The following SEM1 variants were observed in gnomAD, a reference collection of about 807,000 sequenced individuals.
The protein encoded by SEM1 is SEM1 26S proteasome subunit, also known as 26S proteasome complex subunit SEM1.
In SEM1, 3 loss-of-function variants were observed where a neutral mutation model predicts 12.7. The observed-to-expected ratio is 0.24, with a 90% CI of 0.11 to 0.61. SEM1 has a LOEUF of 0.61. Among genes scored for constraint, SEM1 ranks in the 20% least tolerant of loss-of-function variants. The pLI, the probability that SEM1 is intolerant of heterozygous loss-of-function variation, is 0.88. For synonymous variants in SEM1, 30 were observed against 27.8 expected (o/e 1.08, Z -0.25); for missense variants, 59 against 81.3 (o/e 0.73, Z 1.06).
intron 2 of SEM1, among the ~76,000 whole-genome samples, chr7:96,616,397 G>GT (rs1181701966): frequency 1.3e-5 from 2 of 151,532 alleles, no homozygotes; most frequent in Non-Finnish European, 2.9e-5. Context: ...TTTTTTCAGT[G>GT]TTTGTTTTTT....
chr7:96,659,913 C>CAAAAAAAAAAAAAAAAAAAAAAAAAAA (rs71529826), intron 2 of SEM1, among the ~76,000 whole-genome samples: 2 of 66,726 alleles, frequency 3.0e-5, no homozygotes, highest in East Asian at 4.8e-4. Flanking sequence ...AGTAAGATGG[C>CAAAAAAAAAAAAAAAAAAAAAAAAAAA]AAAAAAAAAA....
intron 1 of SEM1, among the ~76,000 whole-genome samples, chr7:96,704,010 C>CACACACACACACACACACAT (rs1390081341): frequency 7.0e-6 from 1 of 143,744 alleles, no homozygotes; most frequent in African/African-American, 2.6e-5. Flanking sequence ...CACACACACA[C>CACACACACACACACACACAT]ATACATAAAA....
intron 2 of SEM1, chr7:96,653,745 C>G (rs1212936182): frequency 6.6e-6 from 1 of 152,178 alleles, no homozygotes; most frequent in Non-Finnish European, 1.5e-5. Context: ...GATGAGTTAC[C>G]TAATCTTCCC....
At chr7:96,584,047 A>G (rs1417648549) in intron 2 of SEM1, among the ~76,000 whole-genome samples, 3 of 151,490 alleles carry the variant, frequency 2.0e-5, no homozygotes, top group Non-Finnish European at 4.4e-5. Context: ...TAGTTGATGC[A>G]GTTTCTTCCT....
chr7:96,532,531 A>G (rs1563049469), intron 2 of SEM1, among the ~76,000 whole-genome samples: 1 of 152,110 alleles, frequency 6.6e-6, no homozygotes, highest in Non-Finnish European at 1.5e-5. Context: ...TTCATTGGGG[A>G]ACATTTAAAA....
At chr7:96,632,244 CA>C (rs918057254) in intron 2 of SEM1, among the ~76,000 whole-genome samples, 1 of 152,270 alleles carries the variant, frequency 6.6e-6, no homozygotes, top group African/African-American at 2.4e-5. Flanking sequence ...ACTATAAAGA[CA>C]CATGCACACA....
chr7:96,638,985 A>G (rs148175408), intron 2 of SEM1, among the ~76,000 whole-genome samples: 60 of 152,110 alleles, frequency 3.9e-4, no homozygotes, highest in African/African-American at 1.4e-3. Flanking sequence ...AATGGGACCC[A>G]TATAATTTAT....
chr7:96,593,719 T>C (rs1806908025), intron 2 of SEM1, among the ~76,000 whole-genome samples: 1 of 152,216 alleles, frequency 6.6e-6, no homozygotes, highest in African/African-American at 2.4e-5. Context: ...TTTTCCTTAT[T>C]TGCATTAGAA....
At chr7:96,533,081 C>T (rs1046229965) in intron 2 of SEM1, among the ~76,000 whole-genome samples, 1 of 152,130 alleles carries the variant, frequency 6.6e-6, no homozygotes, top group African/African-American at 2.4e-5. Flanking sequence ...ATCTCTTATA[C>T]ACCCAGCAAT....
At chr7:96,693,091 G>T (rs1025734719) in intron 2 of SEM1, among the ~76,000 whole-genome samples, 2 of 151,832 alleles carry the variant, frequency 1.3e-5, no homozygotes, top group Admixed American at 1.3e-4. Context: ...TCTTTATAGA[G>T]CCAATAAAAA....
In SEM1 at chr7:96,673,719, C is replaced by A. The variant is rs749493433; in HGVS notation, c.*41G>T. ...CAATCCTGTGCATCCCAGCTCTTTA[C>A]ATTTAGGTGGGGCCATGAACACATA... On this transcript the variant is annotated 3_prime_UTR_variant, in exon 3 of 3. Transcript: ENST00000413065. The A allele has an allele frequency of 3.1e-5, 24 of 763,914 alleles. No individual in the cohort carries two copies. The African/African-American group carries it at 3.6e-4, about 11-fold the overall frequency. The allele number at this position is 763,914 out of a possible 1,614,324, so 47.3% of individuals were successfully genotyped here.
intron 2 of SEM1, among the ~76,000 whole-genome samples, chr7:96,592,956 T>C (rs1312769672): frequency 1.4e-5 from 2 of 146,194 alleles, no homozygotes; most frequent in African/African-American, 5.2e-5. Flanking sequence ...CTTGAAGCTC[T>C]AGAGAAGGCT....
chr7:96,648,090 A>G (rs536158925), intron 2 of SEM1, among the ~76,000 whole-genome samples: 1 of 152,328 alleles, frequency 6.6e-6, no homozygotes, highest in African/African-American at 2.4e-5. Context: ...ACCTATTTAC[A>G]TATTCACAGG....
chr7:96,565,495 A>G (rs183105911), intron 2 of SEM1, among the ~76,000 whole-genome samples: 110 of 151,972 alleles, frequency 7.2e-4, no homozygotes, highest in African/African-American at 2.6e-3. Context: ...GAAAAAAGTA[A>G]ATTCTCTGGT....
chr7:96,526,562 A>G lies in SEM1; in HGVS notation c.171-19864T>C, dbSNP rs138976110. On this transcript the variant is annotated intron_variant and NMD_transcript_variant, in intron 2 of 3. Coordinates refer to the SEM1 transcript ENST00000466986. ...TGACTCAGACCAGGCTGAGTATCCT[A>G]GGAAAAGGCAGGGAAAGCCACCAGG... 4.7e-3 allele frequency among the ~76,000 whole-genome samples: 714 copies of G among 152,252 alleles called. 4 individuals are homozygous for G. Among genetic ancestry groups the G allele is most frequent in the Admixed American group, 8.3e-3 (127 of 15,286 alleles).
chr7:96,642,840 CT>C (rs1464059858), intron 2 of SEM1, among the ~76,000 whole-genome samples: 1 of 151,896 alleles, frequency 6.6e-6, no homozygotes, highest in Non-Finnish European at 1.5e-5. Flanking sequence ...AAGCAGTCTC[CT>C]TTCTTCCAAG....
At chr7:96,645,533 A>G (rs1808758755) in intron 2 of SEM1, 1 of 379,466 alleles carries the variant, frequency 2.6e-6, no homozygotes, top group African/African-American at 2.1e-5. Flanking sequence ...TGTTCCAATA[A>G]AAGAGGACAG....
intron 2 of SEM1, among the ~76,000 whole-genome samples, chr7:96,689,177 T>G (rs1789851464): frequency 6.6e-6 from 1 of 152,112 alleles, no homozygotes; most frequent in South Asian, 2.1e-4. Flanking sequence ...TTCCCATTAT[T>G]TAACTTGTAT....
At chr7:96,556,340 T>C (rs1290965904) in intron 2 of SEM1, among the ~76,000 whole-genome samples, 1 of 152,108 alleles carries the variant, frequency 6.6e-6, no homozygotes, top group Non-Finnish European at 1.5e-5. Context: ...GGTTGTTCCT[T>C]TCCATGTTTA....
Sources: allele counts gnomAD v4.1 joint callset (sites outside exome capture counted in the v4.1 genomes callset), GRCh38; gene constraint gnomAD v4.1.1; transcripts MANE v1.5; gene names NCBI Gene and HGNC (gene_info 2026-07-23, HGNC 2026-07-21).